The following GRM1 variants were observed in gnomAD, a reference collection of about 807,000 sequenced individuals.
The protein encoded by GRM1 is metabotropic glutamate receptor 1.
In GRM1, 33 loss-of-function variants were observed where a neutral mutation model predicts 90.9. The ratio of observed to expected loss-of-function variants is 0.36; its 90% CI spans 0.28 to 0.49. The LOEUF is 0.49. Among genes scored for constraint, GRM1 ranks in the 20% least tolerant of loss-of-function variants. GRM1 has a pLI of 0.99. For missense variants in GRM1, 1,190 were observed against 1,534.3 expected (o/e 0.78, Z 3.75); for synonymous variants, 700 against 613.2 (o/e 1.14, Z -2.09).
At chr6:146,309,799 T>A (rs751706286) in intron 3 of GRM1, among the ~76,000 whole-genome samples, 2 of 152,226 alleles carry the variant, frequency 1.3e-5, no homozygotes, top group African/African-American at 4.8e-5. Context: ...CTAAATATAA[T>A]TATTAGTAAT....
chr6:146,234,356 C>T (rs1157517845), intron 2 of GRM1, among the ~76,000 whole-genome samples: 1 of 151,838 alleles, frequency 6.6e-6, no homozygotes, highest in Admixed American at 6.6e-5. Flanking sequence ...ATTGTATTAA[C>T]ATTTGTTGTC....
At chr6:146,347,003 G>A (rs1282324790) in intron 3 of GRM1, among the ~76,000 whole-genome samples, 1 of 152,162 alleles carries the variant, frequency 6.6e-6, no homozygotes, top group African/African-American at 2.4e-5. Flanking sequence ...TGAAGTTAAT[G>A]ACAAGAATTT....
intron 1 of GRM1, among the ~76,000 whole-genome samples, chr6:146,125,262 G>A (rs150335945): frequency 5.4e-4 from 82 of 152,194 alleles, no homozygotes; most frequent in African/African-American, 1.9e-3. Flanking sequence ...TATTTCAACT[G>A]TAACAATTAA....
intron 2 of GRM1, among the ~76,000 whole-genome samples, chr6:146,177,708 ATTTGAGTTTGACCAT>A (rs1778385699): frequency 6.6e-6 from 1 of 152,040 alleles, no homozygotes; most frequent in Admixed American, 6.6e-5. Context: ...CATTTTTGCA[ATTTGAGTTTGACCAT>A]TTCTTGTCTC....
At chr6:146,271,100 GT>G (rs1782144253) in intron 2 of GRM1, among the ~76,000 whole-genome samples, 1 of 151,206 alleles carries the variant, frequency 6.6e-6, no homozygotes, top group Non-Finnish European at 1.5e-5. Context: ...CACCTCCCAG[GT>G]TCAAGCAATT....
chr6:146,232,681 A>G (rs1159214747), intron 2 of GRM1, among the ~76,000 whole-genome samples: 3 of 151,876 alleles, frequency 2.0e-5, no homozygotes, highest in African/African-American at 4.8e-5. Context: ...CAGCCCCCCA[A>G]TACCCTTCCC....
chr6:146,389,730 G>A (rs1776649235), intron 6 of GRM1, among the ~76,000 whole-genome samples: 1 of 152,040 alleles, frequency 6.6e-6, no homozygotes, highest in South Asian at 2.1e-4. Flanking sequence ...AATAACAACA[G>A]GCATGCAGCT....
chr6:146,028,232 AGTGTGTGTGT>A (rs60190108), upstream of GRM1, among the ~76,000 whole-genome samples: 1,876 of 130,334 alleles, frequency 0.014, 19 homozygotes, highest in Non-Finnish European at 0.02. Context: ...AGTGGAAGGG[AGTGTGTGTGT>A]GTGTGTGTGT....
intron 1 of GRM1, among the ~76,000 whole-genome samples, chr6:146,055,461 A>G (rs1214117041): frequency 6.6e-6 from 1 of 152,148 alleles, no homozygotes; most frequent in East Asian, 1.9e-4. Context: ...AATTTCATCC[A>G]AAATCAAAGT....
chr6:146,235,257 T>G (rs1327945603), intron 2 of GRM1, among the ~76,000 whole-genome samples: 2 of 152,170 alleles, frequency 1.3e-5, no homozygotes, highest in African/African-American at 4.8e-5. Context: ...TCTATTGTAT[T>G]CTGGATTGTA....
At chr6:146,042,492 C>T (rs913430295) in intron 1 of GRM1, among the ~76,000 whole-genome samples, 5 of 151,962 alleles carry the variant, frequency 3.3e-5, no homozygotes, top group Admixed American at 1.3e-4. Context: ...TGAGGAGCCA[C>T]GACAAAGCTG....
chr6:146,288,600 G>T (rs1782851590), intron 2 of GRM1, among the ~76,000 whole-genome samples: 1 of 152,068 alleles, frequency 6.6e-6, no homozygotes, highest in Non-Finnish European at 1.5e-5. Context: ...CCGCCTCCTG[G>T]GTTCAAGCGA....
At chr6:146,423,482 A>G (rs1396113127) in intron 7 of GRM1, among the ~76,000 whole-genome samples, 1 of 151,176 alleles carries the variant, frequency 6.6e-6, no homozygotes, top group Non-Finnish European at 1.5e-5. Context: ...TTTTTTTTCA[A>G]ATCTCTCCAT....
chr6:146,180,010 A>G lies in GRM1; in HGVS notation c.950+20413A>G, dbSNP rs978897254. ...ATGTAAGAAAAAAATTAACTGGAGT[A>G]TGGTGGTGTGCACCTGTGGCCCCAG... On this transcript the variant is annotated intron_variant, in intron 2 of 7. Transcript: ENST00000282753. Among the ~76,000 whole-genome samples, 3 of 152,060 alleles carry G rather than the reference A, an allele frequency of 2.0e-5. No homozygotes were observed. The South Asian group carries it at 6.2e-4, about 32-fold the overall frequency.
At chr6:146,324,787 G>A (rs1212851714) in intron 3 of GRM1, among the ~76,000 whole-genome samples, 4 of 152,200 alleles carry the variant, frequency 2.6e-5, no homozygotes, top group African/African-American at 2.4e-5. Context: ...AGATGAGCCA[G>A]GTACCTCAGT....
chr6:146,403,086 G>C (rs372295417), intron 7 of GRM1, among the ~76,000 whole-genome samples: 73 of 151,964 alleles, frequency 4.8e-4, no homozygotes, highest in Non-Finnish European at 7.1e-4. Flanking sequence ...TGAAAAAATC[G>C]ATTTATTGGC....
chr6:146,154,516 A>C (rs147040257), intron 1 of GRM1, among the ~76,000 whole-genome samples: 299 of 152,304 alleles, frequency 2.0e-3, no homozygotes, highest in African/African-American at 6.9e-3. Flanking sequence ...TTTGGGCTTC[A>C]CTGGACTGAA....
At chr6:146,185,516 T>A (rs1778702017) in intron 2 of GRM1, among the ~76,000 whole-genome samples, 1 of 152,228 alleles carries the variant, frequency 6.6e-6, no homozygotes, top group African/African-American at 2.4e-5. Flanking sequence ...TCTGAAAAAC[T>A]GGTATTGGAA....
At chr6:146,427,450 G>T (rs1583485262) in intron 7 of GRM1, among the ~76,000 whole-genome samples, 1 of 152,222 alleles carries the variant, frequency 6.6e-6, no homozygotes, top group Middle Eastern at 3.4e-3. Flanking sequence ...TGCAGCAGGA[G>T]GGAGCCCACT....
Sources: gnomAD v4.1 joint callset for allele counts (sites outside exome capture counted in the v4.1 genomes callset) on GRCh38, gnomAD v4.1.1 for gene constraint, MANE v1.5 for transcripts, NCBI Gene and HGNC (gene_info 2026-07-23, HGNC 2026-07-21) for gene names.